Variants in PRKG2 observed in about 807,000 individuals in gnomAD.
PRKG2 encodes the protein cGMP-dependent protein kinase 2.
Under a neutral mutation model 97.2 loss-of-function variants are expected in PRKG2, and 33 were observed. The ratio of observed to expected loss-of-function variants is 0.34; its 90% confidence interval spans 0.26 to 0.45. The LOEUF (loss-of-function observed/expected upper bound fraction) is 0.45, where lower values mean the gene tolerates loss of function less well. Ranked by LOEUF, PRKG2 falls within the 20% of genes least tolerant of loss-of-function variation. The pLI is 1.00. For synonymous variants in PRKG2, 330 were observed against 321.8 expected (o/e 1.03, Z -0.27); for missense variants, 638 against 900.0 (o/e 0.71, Z 3.73).
At position 81,148,559 on chromosome 4, in the gene PRKG2, T is replaced by C. The variant is rs138054371; in HGVS notation, c.1154+325A>G. 4.0e-4 allele frequency among the ~76,000 whole-genome samples: 61 copies of C among 152,306 alleles called. No individual in the cohort carries two copies. In the East Asian group the frequency reaches 4.1e-3, roughly 10 times the overall value. ...AGAAATAAATTATGTAATTGTTCAC[T>C]ATATTGTATGGAAGAAATCCATAAG... On this transcript the variant is annotated intron_variant, in intron 9 of 18. Coordinates refer to ENST00000264399, the MANE Select transcript of PRKG2 (RefSeq NM_006259.3).
In PRKG2 at chr4:81,137,459, T is replaced by C. The variant is rs772888849; in HGVS notation, c.1568A>G (p.Asn523Ser). Reference sequence around the variant, plus strand: ...CTCCAGAAGCATGTATACATACTTATTGTCCTTGAAAGTACGATATAATCT... The same window carrying C: ...CTCCAGAAGCATGTATACATACTTACTGTCCTTGAAAGTACGATATAATCT... ...IVKLYRTFKD[N>S]KYVYMLLEAC... is the part of the protein sequence containing the mutation. The change falls in exon 13 of 19, where the codon AAT becomes AGT. Residue 523 changes from asparagine to serine, a missense_variant. By Grantham distance (46) the Asn-to-Ser change is conservative. Transcript: ENST00000264399. 1.1e-5 allele frequency: 18 copies of C among 1,612,042 alleles called. No individual in the cohort carries two copies. The highest frequency in any genetic ancestry group is 4.0e-5 in the African/African-American group (3 of 74,880).
At chr4:81,113,853 G>C (rs1387149057) in intron 14 of PRKG2, among the ~76,000 whole-genome samples, 2 of 152,136 alleles carry the variant, frequency 1.3e-5, no homozygotes. Flanking sequence ...AACCAAAGTT[G>C]ATTTAATGTC....
chr4:81,114,580 C>A (rs9685762), intron 14 of PRKG2, among the ~76,000 whole-genome samples: 47,697 of 152,040 alleles, frequency 0.31, 11,982 homozygotes, highest in African/African-American at 0.68. Context: ...TCTGGCAATA[C>A]AAATATGGTT....
intron 17 of PRKG2, among the ~76,000 whole-genome samples, chr4:81,098,978 G>A (rs1056187381): frequency 6.6e-6 from 1 of 152,166 alleles, no homozygotes; most frequent in African/African-American, 2.4e-5. Flanking sequence ...GCAAGGTGCA[G>A]TAAGTAAAGC....
chr4:81,149,679 T>C (rs1748195042), intron 8 of PRKG2, among the ~76,000 whole-genome samples: 1 of 152,108 alleles, frequency 6.6e-6, no homozygotes, highest in Non-Finnish European at 1.5e-5. Context: ...TTACTTATAT[T>C]AGCTTCCTCC....
rs1429417554 is a variant in PRKG2, at chr4:81,148,892, T to A, written c.1146A>T (p.Ile382=). Residue 382 remains isoleucine, a synonymous_variant, in exon 9 of 19, where the codon ATA becomes ATT. Transcript: ENST00000264399. The part of the protein sequence containing the change: ...AEENDVACLV[I]DRETFNQTVG... The stretch of plus-strand genomic sequence containing the variant: ...AACATCAGTATACTCACTCTCGATC[T>A]ATAACCAGGCATGCAACATCATTTT... 6.2e-7 allele frequency: 1 copy of A among 1,613,586 alleles called. No homozygotes were observed. The highest frequency in any genetic ancestry group is 1.3e-5 in the African/African-American group (1 of 74,894).
chr4:81,191,313 C>G (rs1752494570), intron 2 of PRKG2, among the ~76,000 whole-genome samples: 1 of 152,046 alleles, frequency 6.6e-6, no homozygotes, highest in Non-Finnish European at 1.5e-5. Context: ...AACCATCATT[C>G]TCAGCAAACT....
chr4:81,092,265 A>G, intron 18 of PRKG2, 121 bp downstream of exon 18: 5 of 549,000 alleles, frequency 9.1e-6, no homozygotes, highest in Non-Finnish European at 1.2e-5. Context: ...TAAAATAAAA[A>G]CTGCTTTAAA....
chr4:81,209,375 A>AAC lies in PRKG2; in HGVS notation c.-13-4317_-13-4316dup, dbSNP rs990034117. On this transcript the variant is annotated intron_variant, in intron 1 of 18. Transcript: ENST00000264399. The stretch of plus-strand genomic sequence containing the variant: ...AGTCTGTTATAAATATACACAGACA[A>AAC]ACACACACACACATATATAGATGTG... 6.7e-4 allele frequency among the ~76,000 whole-genome samples: 102 copies of AAC among 152,124 alleles called. 1 individual carries two copies. The highest frequency in any genetic ancestry group is 2.0e-3 in the African/African-American group (81 of 41,514).
intron 1 of PRKG2, among the ~76,000 whole-genome samples, chr4:81,211,676 A>G (rs61104118): frequency 0.26 from 40,051 of 151,978 alleles, 5,590 homozygotes; most frequent in African/African-American, 0.36. Flanking sequence ...GTGATAGTTT[A>G]AGGATTAAAG....
intron 9 of PRKG2, among the ~76,000 whole-genome samples, chr4:81,145,463 T>A (rs28550356): frequency 0.084 from 12,827 of 152,134 alleles, 1,842 homozygotes; most frequent in African/African-American, 0.29. Context: ...TAAATCCAAA[T>A]CATTTTACCT....
chr4:81,204,965 T>A lies in PRKG2; in HGVS notation c.83A>T (p.Asn28Ile). ...SGNLTTDALR[N>I]KVTELERELR... ...CTCTCTCTCCAGCTCTGTCACCTTG[T>A]TCCGCAGAGCATCAGTGGTGAGGTT... The change falls in exon 2 of 19, where the codon AAC (asparagine) becomes ATC (isoleucine). Residue 28 changes from asparagine (N) to isoleucine (I), a missense_variant. Transcript: ENST00000264399. 6.2e-7 allele frequency: 1 copy of A among 1,614,146 alleles called. No homozygotes were observed. The highest frequency in any genetic ancestry group is 8.5e-7 in the Non-Finnish European group (1 of 1,180,022).
At chr4:81,129,910 C>T (rs1013531412) in intron 14 of PRKG2, among the ~76,000 whole-genome samples, 3 of 152,092 alleles carry the variant, frequency 2.0e-5, no homozygotes, top group South Asian at 4.1e-4. Context: ...TTAGTTGATG[C>T]GGTTTCTTCA....
At chr4:81,192,313 G>C (rs897632872) in intron 2 of PRKG2, 5 of 152,286 alleles carry the variant, frequency 3.3e-5, no homozygotes, top group Non-Finnish European at 5.9e-5. Flanking sequence ...AAGATAATGG[G>C]TAGAAATTGA....
intron 6 of PRKG2, 74 bp from the exon 7 acceptor site, chr4:81,153,795 TACA>T (rs1748665556): frequency 9.6e-7 from 1 of 1,044,812 alleles, no homozygotes; most frequent in African/African-American, 1.6e-5. Flanking sequence ...AGCTCCAGTA[TACA>T]GCTCCCAGCG....
chr4:81,176,206 T>C (rs1750911322), intron 2 of PRKG2, among the ~76,000 whole-genome samples: 1 of 152,162 alleles, frequency 6.6e-6, no homozygotes, highest in African/African-American at 2.4e-5. Context: ...TCTAATCTAT[T>C]ACTAAATCGT....
intron 5 of PRKG2, among the ~76,000 whole-genome samples, chr4:81,169,002 A>C (rs142660842): frequency 0.011 from 1,732 of 152,120 alleles, 32 homozygotes; most frequent in African/African-American, 0.039. Flanking sequence ...AATTGTTTAA[A>C]TAAATAACTT....
At chr4:81,133,123 T>G (rs2110023918) in intron 14 of PRKG2, among the ~76,000 whole-genome samples, 1 of 152,222 alleles carries the variant, frequency 6.6e-6, no homozygotes, top group East Asian at 1.9e-4. Context: ...ATAGATTCAT[T>G]TCATTTAAAT....
At chr4:81,149,285 C>T (rs1333553127) in intron 8 of PRKG2, among the ~76,000 whole-genome samples, 3 of 152,080 alleles carry the variant, frequency 2.0e-5, no homozygotes, top group African/African-American at 7.2e-5. Flanking sequence ...GAGAACTATT[C>T]ACTAACAAGA....
Sources: gnomAD v4.1 joint callset for allele counts (sites outside exome capture counted in the v4.1 genomes callset) on GRCh38, gnomAD v4.1.1 for gene constraint, MANE v1.5 for transcripts, NCBI Gene and HGNC (gene_info 2026-07-23, HGNC 2026-07-21) for gene names.